TP73: variants seen among roughly 807,000 people sequenced by gnomAD.
The protein encoded by TP73 is tumor protein p73, also known as p53-like transcription factor.
Under a neutral mutation model 62.5 loss-of-function variants are expected in TP73, and 25 were observed. That is an observed-to-expected ratio of 0.40 (90% CI 0.29 to 0.56). TP73 has a LOEUF of 0.56. TP73 is among the 20% of genes least tolerant of loss of function. The probability of loss-of-function intolerance (pLI) is 0.46; values close to 1 mark genes in which losing one functional copy is unlikely to be tolerated. For synonymous variants in TP73, 423 were observed against 377.5 expected, an observed-to-expected ratio of 1.12 and a Z score of -1.40; for missense variants, 754 against 913.3, an observed-to-expected ratio of 0.83 and a Z score of 2.25.
chr1:3,722,624 G>A (rs1641160448), intron 5 of TP73, among the ~76,000 whole-genome samples: 1 of 152,214 alleles, frequency 6.6e-6, no homozygotes, highest in East Asian at 1.9e-4. Flanking sequence ...CACAGGACTG[G>A]GCCTGGTGGT....
chr1:3,699,693 A>G lies in TP73; in HGVS notation c.187-7856A>G, dbSNP rs1297030835. Reference sequence around the variant, plus strand: ...TTCCTGTCCTAGTTGAACAGAATGAATGAGAGTGCGGGATAAATGCCGGGC... The same window carrying G: ...TTCCTGTCCTAGTTGAACAGAATGAGTGAGAGTGCGGGATAAATGCCGGGC... On this transcript the variant is annotated intron_variant, in intron 3 of 13. Transcript: ENST00000378295. The surrounding 1 kb of genome is among the most constrained non-coding windows in gnomAD (Gnocchi z 4.1). Among the ~76,000 whole-genome samples the G allele has an allele frequency of 6.6e-6, 1 of 152,172 alleles. No homozygotes were observed. The highest frequency in any genetic ancestry group is 1.5e-5 in the Non-Finnish European group (1 of 68,020).
At chr1:3,658,221 G>A (rs991637797) in intron 1 of TP73, among the ~76,000 whole-genome samples, 6 of 152,234 alleles carry the variant, frequency 3.9e-5, no homozygotes, top group East Asian at 1.9e-4. Context: ...GGAAGATTCC[G>A]TGGGCCTTGG....
intron 1 of TP73, among the ~76,000 whole-genome samples, chr1:3,677,384 A>G (rs995465734): frequency 1.3e-5 from 2 of 152,026 alleles, no homozygotes; most frequent in Admixed American, 1.3e-4. Flanking sequence ...CAGCCTGGCA[A>G]AGGGAGGGGA....
chr1:3,688,152 G>A lies in TP73; in HGVS notation c.186+4972G>A, dbSNP rs568962342. On this transcript the variant is annotated intron_variant, in intron 3 of 13. Transcript: ENST00000378295. ...GCAGGGAGGGGGCTCAGCTCACCAC[G>A]GTCAGCTCTGAGACTCCAGCCCACC... 1.5e-3 allele frequency among the ~76,000 whole-genome samples: 223 copies of A among 152,150 alleles called. 1 individual carries two copies. Among genetic ancestry groups the A allele is most frequent in the Admixed American group, 4.1e-3 (63 of 15,290 alleles).
intron 3 of TP73, among the ~76,000 whole-genome samples, chr1:3,705,832 C>T (rs147402116): frequency 6.6e-6 from 1 of 152,334 alleles, no homozygotes; most frequent in Non-Finnish European, 1.5e-5. Flanking sequence ...CTGGAGGGGC[C>T]GGGGGATGCG....
chr1:3,691,606 G>GC (rs1645833634), intron 3 of TP73, among the ~76,000 whole-genome samples: 1 of 152,162 alleles, frequency 6.6e-6, no homozygotes, highest in South Asian at 2.1e-4. Flanking sequence ...TGCAGCCTGA[G>GC]CCCTGGGGAC....
At chr1:3,710,817 A>T (rs1405872084) in intron 4 of TP73, among the ~76,000 whole-genome samples, 1 of 152,244 alleles carries the variant, frequency 6.6e-6, no homozygotes, top group Admixed American at 6.5e-5. Flanking sequence ...ACACGCAGAC[A>T]CATGTAAACA....
intron 6 of TP73, among the ~76,000 whole-genome samples, chr1:3,726,459 G>A: frequency 7.1e-6 from 1 of 141,666 alleles, no homozygotes; most frequent in South Asian, 2.2e-4. Context: ...GTGGATGGGT[G>A]GATGGATGGA....
At position 3,701,405 on chromosome 1, in the gene TP73, GA is replaced by G. The variant is rs1639157591; in HGVS notation, c.187-6143del. ...GGAGCTTCCTGGACATTGGTTCCAG[GA>G]GGGCTCCCGGGCGAGAGTCACTTCC... On this transcript the variant is annotated intron_variant, in intron 3 of 13. Transcript: ENST00000378295. This position sits in a 1 kb window ranked among gnomAD's most constrained non-coding sequence, Gnocchi z 4.7. Among the ~76,000 whole-genome samples, 1 of 152,184 alleles carries G rather than the reference GA, an allele frequency of 6.6e-6. No individual in the cohort carries two copies. The highest frequency in any genetic ancestry group is 1.5e-5 in the Non-Finnish European group (1 of 68,036).
Position 3,662,635 on chromosome 1 carries a change from G to A in TP73, c.-34+9994G>A, listed in dbSNP as rs1015080349. Reference sequence around the variant, plus strand: ...GCCACTCCTGTGTCTGCAGTTACTCGAAATAATGGATATACCCAAGGCATG... The same window carrying A: ...GCCACTCCTGTGTCTGCAGTTACTCAAAATAATGGATATACCCAAGGCATG... On this transcript the variant is annotated intron_variant, in intron 1 of 13. Coordinates refer to ENST00000378295, the MANE Select transcript of TP73 (RefSeq NM_005427.4). This position sits in a 1 kb window ranked among gnomAD's most constrained non-coding sequence, Gnocchi z 4.4. Among the ~76,000 whole-genome samples the A allele has an allele frequency of 7.2e-5, 11 of 152,200 alleles. No individual in the cohort carries two copies. The highest frequency in any genetic ancestry group is 3.2e-3 in the Middle Eastern group (1 of 316).
At position 3,729,993 on chromosome 1, in the gene TP73, T is replaced by C. The variant is rs367632720; in HGVS notation, c.1197-7T>C. 8.5e-5 allele frequency: 134 copies of C among 1,579,300 alleles called. No individual in the cohort carries two copies. In the African/African-American group the frequency reaches 1.5e-3, roughly 18 times the overall value. ...TCCCACCCATGCGAGCCGTTGCTTCTGAGCAGGAGTCACCTACAGCCCCCG... is the reference window on the plus strand; with the variant it reads ...TCCCACCCATGCGAGCCGTTGCTTCCGAGCAGGAGTCACCTACAGCCCCCG... On this transcript the variant is annotated splice_region_variant and splice_polypyrimidine_tract_variant and intron_variant, in intron 10 of 13. Transcript: ENST00000378295.
intron 3 of TP73, among the ~76,000 whole-genome samples, chr1:3,703,281 A>T (rs1043194529): frequency 6.6e-6 from 1 of 152,164 alleles, no homozygotes; most frequent in Non-Finnish European, 1.5e-5. Flanking sequence ...GGACAGGCCC[A>T]GTAACCCTGG....
intron 4 of TP73, chr1:3,708,030 A>G: frequency 1.6e-6 from 1 of 630,756 alleles, no homozygotes; most frequent in Non-Finnish European, 2.7e-6. Context: ...AGGGCCACAG[A>G]GGGGACGGAC....
Position 3,691,464 on chromosome 1 carries a change from G to A in TP73, c.186+8284G>A, listed in dbSNP as rs893778034. Among the ~76,000 whole-genome samples the A allele has an allele frequency of 5.3e-5, 8 of 152,146 alleles. No individual in the cohort carries two copies. The East Asian group carries it at 5.8e-4, about 11-fold the overall frequency. On this transcript the variant is annotated intron_variant, in intron 3 of 13. Coordinates refer to ENST00000378295, the MANE Select transcript of TP73 (RefSeq NM_005427.4). Reference sequence around the variant, plus strand: ...CTTGTCAGCCCCACGGGCTCTTCTCGGTGTGGGTCTGAGCTCCAGGGCCAG... The same window carrying A: ...CTTGTCAGCCCCACGGGCTCTTCTCAGTGTGGGTCTGAGCTCCAGGGCCAG...
At chr1:3,673,140 G>A (rs564483605) in intron 1 of TP73, among the ~76,000 whole-genome samples, 33 of 152,370 alleles carry the variant, frequency 2.2e-4, no homozygotes, top group African/African-American at 7.5e-4. Flanking sequence ...TTTCGAGGAC[G>A]CCTCATTCCC....
chr1:3,727,189 G>T lies in TP73; in HGVS notation c.807G>T (p.Arg269=), dbSNP rs371548537. The T allele has an allele frequency of 6.2e-7, 1 of 1,612,216 alleles. No homozygotes were observed. Residue 269 remains arginine, a synonymous_variant, in exon 7 of 14, where the codon CGG becomes CGT. Transcript: ENST00000378295. ...GCTGTGTAGGGGGCATGAACCGGCGGCCCATCCTCATCATCATCACCCTGG... is the reference window on the plus strand; with the variant it reads ...GCTGTGTAGGGGGCATGAACCGGCGTCCCATCCTCATCATCATCACCCTGG... The part of the protein sequence containing the change: ...NSSCVGGMNR[R]PILIIITLEM...
chr1:3,686,018 G>T (rs1344789782), intron 3 of TP73, among the ~76,000 whole-genome samples: 1 of 152,218 alleles, frequency 6.6e-6, no homozygotes, highest in Non-Finnish European at 1.5e-5. Context: ...TGAGTTCGTG[G>T]CTCAGGTGGG....
At chr1:3,686,201 C>T (rs945113085) in intron 3 of TP73, among the ~76,000 whole-genome samples, 2 of 152,238 alleles carry the variant, frequency 1.3e-5, no homozygotes, top group African/African-American at 2.4e-5. Context: ...AGTGCTTGAG[C>T]GCAGGACACT....
chr1:3,678,932 G>C (rs1271258752), intron 1 of TP73, among the ~76,000 whole-genome samples: 1 of 152,220 alleles, frequency 6.6e-6, no homozygotes, highest in African/African-American at 2.4e-5. Flanking sequence ...CCAACTCCTG[G>C]CGTGGAGGAA....
Sources: allele counts gnomAD v4.1 joint callset (sites outside exome capture counted in the v4.1 genomes callset), GRCh38; gene constraint gnomAD v4.1.1; non-coding constraint Gnocchi (gnomAD v3.1); transcripts MANE v1.5; gene names NCBI Gene and HGNC (gene_info 2026-07-23, HGNC 2026-07-21).